The following POT1 variants were observed in gnomAD, a reference collection of about 807,000 sequenced individuals.
POT1 encodes the protein protection of telomeres protein 1.
Under a neutral mutation model 78.5 loss-of-function variants are expected in POT1, and 47 were observed. The ratio of observed to expected loss-of-function variants is 0.60; its 90% CI spans 0.47 to 0.76. The LOEUF is 0.76. Among genes scored for constraint, POT1 ranks in the 30% least tolerant of loss-of-function variants. The pLI is 0.00. For missense variants in POT1, 646 were observed against 749.9 expected, an observed-to-expected ratio of 0.86 and a Z score of 1.62; for synonymous variants, 259 against 260.7, an observed-to-expected ratio of 0.99 and a Z score of 0.06.
rs963553302 is a variant in POT1 at position 124,823,198 on chromosome 7, C to T, written c.*764G>A. ...ATCTGCTGCATTGCCACACCTATTT[C>T]GATTCTTTGCCTCATATCATTTTTC... On this transcript the variant is annotated 3_prime_UTR_variant, in exon 19 of 19. Transcript: ENST00000357628. 3.3e-5 allele frequency: 5 copies of T among 152,034 alleles called. No individual in the cohort carries two copies. Among genetic ancestry groups the T allele is most frequent in the East Asian group, 1.9e-4 (1 of 5,178 alleles). The allele number at this position is 152,034 out of a possible 1,614,324, so 9.4% of individuals were successfully genotyped here.
rs74322075 is a variant in POT1, at chr7:124,899,505, T to C, written c.-153-1131A>G. On this transcript the variant is annotated intron_variant, in intron 3 of 18. Coordinates refer to ENST00000357628, the MANE Select transcript of POT1 (RefSeq NM_015450.3). Reference sequence around the variant, plus strand: ...TATTTCTCCGAAACCTTTTATGCAGTTTAAAAAAATAAAATGAACATGTTT... The same window carrying C: ...TATTTCTCCGAAACCTTTTATGCAGCTTAAAAAAATAAAATGAACATGTTT... Among the ~76,000 whole-genome samples the C allele has an allele frequency of 3.6e-3, 554 of 152,160 alleles. 22 individuals carry two copies. In the East Asian group the frequency reaches 0.093, roughly 26 times the overall value.
intron 8 of POT1, among the ~76,000 whole-genome samples, chr7:124,861,457 T>C (rs138970551): frequency 0.01 from 1,551 of 152,330 alleles, 29 homozygotes; most frequent in African/African-American, 0.035. Context: ...GGGTTGTTTT[T>C]TCTTGTAAAT....
At chr7:124,891,565 TTCTA>T in intron 6 of POT1, among the ~76,000 whole-genome samples, 1 of 151,738 alleles carries the variant, frequency 6.6e-6, no homozygotes, top group Middle Eastern at 3.4e-3. Context: ...ATTCACTGTT[TTCTA>T]TCTGTCTTGT....
Position 124,825,377 on chromosome 7 carries a change from A to T in POT1, c.1687-20T>A. On this transcript the variant is annotated intron_variant, in intron 17 of 18. Coordinates refer to ENST00000357628, the MANE Select transcript of POT1 (RefSeq NM_015450.3). ...TTTGTCCTTAAAAATGTTTCATGAG[A>T]GAAAAAAAAAGGAAATAATATTAAT... is the stretch of plus-strand genomic sequence containing the variant. 1 of 1,446,046 alleles carries T rather than the reference A, an allele frequency of 6.9e-7. No homozygotes were observed. Among genetic ancestry groups the T allele is most frequent in the South Asian group, 1.2e-5 (1 of 82,108 alleles). The allele number at this position is 1,446,046 out of a possible 1,614,324, so 89.6% of individuals were successfully genotyped here. A position where few individuals can be genotyped will look rare whatever the true frequency, so the allele number is the denominator to read the frequency against.
chr7:124,904,447 C>T (rs188462488), intron 3 of POT1, among the ~76,000 whole-genome samples: 1 of 152,208 alleles, frequency 6.6e-6, no homozygotes, highest in African/African-American at 2.4e-5. Context: ...ATTCGACAGC[C>T]CTTCATGCTA....
At chr7:124,910,116 T>TA (rs1159694778) in intron 3 of POT1, among the ~76,000 whole-genome samples, 6 of 151,916 alleles carry the variant, frequency 3.9e-5, no homozygotes, top group East Asian at 3.9e-4. Flanking sequence ...GGAAGGGTAC[T>TA]AAAAAAAGCA....
At chr7:124,874,297 G>A (rs1337810238) in intron 6 of POT1, among the ~76,000 whole-genome samples, 2 of 152,104 alleles carry the variant, frequency 1.3e-5, no homozygotes, top group Non-Finnish European at 2.9e-5. Flanking sequence ...GCCCTAACAA[G>A]TACTATTAGT....
At chr7:124,889,331 G>C (rs940899071) in intron 6 of POT1, among the ~76,000 whole-genome samples, 23 of 152,058 alleles carry the variant, frequency 1.5e-4, no homozygotes, top group African/African-American at 5.1e-4. Context: ...GGGAAGGCTA[G>C]AGAAGACAAA....
Position 124,825,262 on chromosome 7 carries a change from T to C in POT1, c.1782A>G (p.Gly594=), listed in dbSNP as rs751661236. The change falls in exon 18 of 19, where the codon GGA becomes GGG. Residue 594 remains glycine, a synonymous_variant. Transcript: ENST00000357628. ...DMIMDMFCPP[G]IKIDAYPWLE... The stretch of plus-strand genomic sequence containing the variant: ...AATATTCTTGCCTACCAATTTTTAT[T>C]CCTGGAGGACAAAACATATCCATGA... 6.2e-7 allele frequency: 1 copy of C among 1,605,044 alleles called. No homozygotes were observed. Among genetic ancestry groups the C allele is most frequent in the Non-Finnish European group, 8.5e-7 (1 of 1,175,074 alleles).
At chr7:124,868,833 A>G (rs1795795912) in intron 7 of POT1, among the ~76,000 whole-genome samples, 1 of 151,082 alleles carries the variant, frequency 6.6e-6, no homozygotes, top group South Asian at 2.1e-4. Flanking sequence ...AATTTTTTTG[A>G]ATTTTCATAT....
At chr7:124,900,749 C>A in intron 3 of POT1, 1 of 265,280 alleles carries the variant, frequency 3.8e-6, no homozygotes, top group South Asian at 3.4e-5. Flanking sequence ...CTTTCCTAGC[C>A]AAGGGAAGCC....
intron 6 of POT1, among the ~76,000 whole-genome samples, chr7:124,884,208 G>A (rs1249446838): frequency 6.6e-6 from 1 of 152,022 alleles, no homozygotes; most frequent in Non-Finnish European, 1.5e-5. Context: ...GCATTCTAGA[G>A]TTAGCTGGGA....
At chr7:124,921,590 C>G (rs1207865455) in intron 2 of POT1, among the ~76,000 whole-genome samples, 2 of 152,062 alleles carry the variant, frequency 1.3e-5, no homozygotes, top group African/African-American at 4.8e-5. Flanking sequence ...TTATCAGATG[C>G]ATTTTGTCCC....
intron 2 of POT1, among the ~76,000 whole-genome samples, chr7:124,925,985 A>G (rs1414224699): frequency 6.6e-6 from 1 of 152,106 alleles, no homozygotes; most frequent in Non-Finnish European, 1.5e-5. Context: ...TGAATGTAAG[A>G]CCCAAAACTA....
intron 12 of POT1, among the ~76,000 whole-genome samples, chr7:124,843,606 T>C (rs752717535): frequency 9.9e-5 from 15 of 152,152 alleles, no homozygotes; most frequent in South Asian, 2.1e-4. Flanking sequence ...GCCTGGGAAA[T>C]AGGTACAATA....
At chr7:124,888,187 T>A (rs1339094775) in intron 6 of POT1, among the ~76,000 whole-genome samples, 1 of 152,100 alleles carries the variant, frequency 6.6e-6, no homozygotes. Flanking sequence ...CATGTGGATA[T>A]ACAGTTTTCC....
chr7:124,835,222 C>T lies in POT1; in HGVS notation c.1505+57G>A, dbSNP rs532029841. 1.3e-5 allele frequency: 20 copies of T among 1,587,462 alleles called. No homozygotes were observed. In the South Asian group the frequency reaches 1.8e-4, roughly 14 times the overall value. On this transcript the variant is annotated intron_variant, in intron 15 of 18. Coordinates refer to ENST00000357628, the MANE Select transcript of POT1 (RefSeq NM_015450.3). ...CAAACCTCCATGTTCAGCACATGAC[C>T]CCAGAACTTAAAAGTATAATAAACA...
chr7:124,891,711 G>T (rs552022256), intron 6 of POT1, among the ~76,000 whole-genome samples: 5 of 150,982 alleles, frequency 3.3e-5, no homozygotes, highest in African/African-American at 1.2e-4. Context: ...GGTTACCATG[G>T]GGTTTACATA....
rs528448673 is a variant in POT1 at position 124,882,473 on chromosome 7, C to A, written c.124+9793G>T. ...TTCCACTTGTGCTTTCATTCTATTG[C>A]AAGAGCATGACAGCATGGAAGATGA... On this transcript the variant is annotated intron_variant, in intron 6 of 18. Transcript: ENST00000357628. 2.0e-5 allele frequency among the ~76,000 whole-genome samples: 3 copies of A among 151,876 alleles called. No individual in the cohort carries two copies. In the East Asian group the frequency reaches 5.8e-4, roughly 29 times the overall value.
Sources: allele counts gnomAD v4.1 joint callset (sites outside exome capture counted in the v4.1 genomes callset), GRCh38; gene constraint gnomAD v4.1.1; transcripts MANE v1.5; gene names NCBI Gene and HGNC (gene_info 2026-07-23, HGNC 2026-07-21).